The following BICD2 variants were observed in gnomAD, a reference collection of about 807,000 sequenced individuals.
BICD2 encodes the protein protein bicaudal D homolog 2.
A neutral mutation model predicts 72.9 loss-of-function variants in BICD2; 25 were observed. The ratio of observed to expected loss-of-function variants is 0.34; its 90% CI spans 0.25 to 0.48. BICD2 has a LOEUF of 0.48. Ranked by LOEUF, BICD2 falls within the 20% of genes least tolerant of loss-of-function variation. BICD2 has a pLI of 0.99. For synonymous variants in BICD2, 501 were observed against 516.1 expected, an observed-to-expected ratio of 0.97 and a Z score of 0.40; for missense variants, 894 against 1,175.2, an observed-to-expected ratio of 0.76 and a Z score of 3.50.
At chr9:92,717,437 C>T (rs545301284) in intron 6 of BICD2, among the ~76,000 whole-genome samples, 15 of 152,378 alleles carry the variant, frequency 9.8e-5, no homozygotes, top group Middle Eastern at 3.4e-3. Flanking sequence ...GGATCACACA[C>T]GCTCTGCTAT....
At chr9:92,733,333 C>T (rs1422459508) in intron 1 of BICD2, among the ~76,000 whole-genome samples, 4 of 151,368 alleles carry the variant, frequency 2.6e-5, no homozygotes, top group East Asian at 1.9e-4. Flanking sequence ...GTCAGGAGTT[C>T]GAGACCAGCC....
Position 92,714,732 on chromosome 9 carries a change from T to G in BICD2, c.*422A>C, listed in dbSNP as rs1184879502. 3.0e-6 allele frequency: 3 copies of G among 999,278 alleles called. No homozygotes were observed. The highest frequency in any genetic ancestry group is 1.1e-4 in the East Asian group (1 of 9,360). 61.9% of individuals were successfully genotyped at this position (999,278 alleles called of 1,614,324 possible). A position where few individuals can be genotyped will look rare whatever the true frequency, so the allele number is the denominator to read the frequency against. ...AGGCTGGAACCTCCTAAAACTGCTT[T>G]CTAGTGCTGACATTAGACACATGCG... On this transcript the variant is annotated 3_prime_UTR_variant, in exon 7 of 7. Coordinates refer to ENST00000356884, the MANE Select transcript of BICD2 (RefSeq NM_001003800.2).
chr9:92,752,632 T>C (rs1412968410), intron 1 of BICD2, among the ~76,000 whole-genome samples: 1 of 151,712 alleles, frequency 6.6e-6, no homozygotes, highest in Non-Finnish European at 1.5e-5. Context: ...TAGCTAGGGG[T>C]GGTGGCACAT....
At chr9:92,732,454 T>A (rs1853697004) in intron 1 of BICD2, among the ~76,000 whole-genome samples, 2 of 152,160 alleles carry the variant, frequency 1.3e-5, no homozygotes, top group Non-Finnish European at 2.9e-5. Context: ...ATGAAAATTA[T>A]AAACCCACAG....
chr9:92,755,803 G>A (rs951135604), intron 1 of BICD2, among the ~76,000 whole-genome samples: 2 of 152,332 alleles, frequency 1.3e-5, no homozygotes, highest in Admixed American at 1.3e-4. Flanking sequence ...CAGATGGGGA[G>A]CCCAGGCAGC....
chr9:92,739,496 G>A (rs542796420), intron 1 of BICD2, among the ~76,000 whole-genome samples: 5 of 152,136 alleles, frequency 3.3e-5, no homozygotes, highest in East Asian at 1.9e-4. Flanking sequence ...GTGAAGGCTC[G>A]GTCAACACTT....
rs1350836216 is a variant in BICD2, at chr9:92,715,086, G to A, written c.*68C>T. ...ACGTTAAGATTGACCTAGCACCGCC[G>A]TCCCGCTGCTGCTGGGTTAGTTGAG... On this transcript the variant is annotated 3_prime_UTR_variant, in exon 7 of 7. Coordinates refer to ENST00000356884, the MANE Select transcript of BICD2 (RefSeq NM_001003800.2). The A allele has an allele frequency of 1.4e-5, 21 of 1,518,632 alleles. No individual in the cohort carries two copies. Among genetic ancestry groups the A allele is most frequent in the Non-Finnish European group, 1.6e-5 (18 of 1,131,008 alleles). 94.1% of individuals were successfully genotyped at this position (1,518,632 alleles called of 1,614,324 possible).
At position 92,714,572 on chromosome 9, in the gene BICD2, T is replaced by C; in HGVS notation, c.*582A>G. On this transcript the variant is annotated 3_prime_UTR_variant, in exon 7 of 7. Coordinates refer to ENST00000356884, the MANE Select transcript of BICD2 (RefSeq NM_001003800.2). Reference sequence around the variant, plus strand: ...ACAGGGGCTCAGGGCTGCTCTTCTCTGGGCTTGGGGAAGAAATTCTGCACT... The same window carrying C: ...ACAGGGGCTCAGGGCTGCTCTTCTCCGGGCTTGGGGAAGAAATTCTGCACT... The C allele has an allele frequency of 7.1e-6, 7 of 985,614 alleles. No homozygotes were observed. Among genetic ancestry groups the C allele is most frequent in the Non-Finnish European group, 8.4e-6 (7 of 830,060 alleles). The allele number at this position is 985,614 out of a possible 1,614,324, so 61.1% of individuals were successfully genotyped here.
Position 92,714,012 on chromosome 9 carries a change from G to C in BICD2, c.*1142C>G. ...TACTGAGAAAAGTTCTGCTCAGAAT[G>C]TGGGAAGGCAGGTGTGGATGGAGCC... On this transcript the variant is annotated 3_prime_UTR_variant, in exon 7 of 7. Coordinates refer to ENST00000356884, the MANE Select transcript of BICD2 (RefSeq NM_001003800.2). The C allele has an allele frequency of 1.0e-6, 1 of 986,872 alleles. No individual in the cohort carries two copies. The highest frequency in any genetic ancestry group is 1.2e-6 in the Non-Finnish European group (1 of 830,870). 61.1% of individuals were successfully genotyped at this position (986,872 alleles called of 1,614,324 possible).
rs1178894268 is a variant in BICD2, at chr9:92,714,529, G to C, written c.*625C>G. The C allele has an allele frequency of 1.0e-6, 1 of 985,428 alleles. No individual in the cohort carries two copies. Among genetic ancestry groups the C allele is most frequent in the Non-Finnish European group, 1.2e-6 (1 of 829,984 alleles). 61.0% of individuals were successfully genotyped at this position (985,428 alleles called of 1,614,324 possible). ...ATGGTCAGCTGTGTCTGTGCCATGTGTGTCTGGCCAGCAGAATACAGGGGC... is the reference window on the plus strand; with the variant it reads ...ATGGTCAGCTGTGTCTGTGCCATGTCTGTCTGGCCAGCAGAATACAGGGGC... On this transcript the variant is annotated 3_prime_UTR_variant, in exon 7 of 7. Transcript: ENST00000356884.
intron 6 of BICD2, 23 bp downstream of exon 6, chr9:92,717,774 G>C (rs745474543): frequency 6.3e-7 from 1 of 1,588,618 alleles, no homozygotes. Flanking sequence ...TGGAAGGGGA[G>C]GGCCCGACAG....
intron 2 of BICD2, among the ~76,000 whole-genome samples, chr9:92,724,832 C>T (rs1375068711): frequency 6.6e-6 from 1 of 152,208 alleles, no homozygotes; most frequent in Non-Finnish European, 1.5e-5. Context: ...ACTTGGGTAC[C>T]TCTCTGCCAG....
Position 92,764,580 on chromosome 9 carries a change from G to T in BICD2, c.165C>A (p.His55Gln), listed in dbSNP as rs150915279. ...EYGLAVLEEK[H>Q]QLKLQFEELE... ...GCTCCTCGAACTGCAGCTTGAGCTG[G>T]TGCTTCTCCTCGAGCACCGCCAGCC... The change falls in exon 1 of 7, where the codon CAC becomes CAA. Residue 55 changes from histidine to glutamine, a missense_variant. His to Gln is a conservative substitution (Grantham distance 24, BLOSUM62 0). Around this residue, in one of 5 missense-constraint regions of BICD2, gnomAD observed 192 missense variants for 243.6 expected, o/e 0.79. Transcript: ENST00000356884. This position sits in a 1 kb window ranked among gnomAD's most constrained non-coding sequence, Gnocchi z 5.5. The T allele has an allele frequency of 6.4e-7, 1 of 1,571,252 alleles. No homozygotes were observed. The highest frequency in any genetic ancestry group is 1.9e-5 in the Admixed American group (1 of 53,348).
At position 92,713,597 on chromosome 9, in the gene BICD2, A is replaced by G; in HGVS notation, c.*1557T>C. ...GAAGAGAAGACCTGCATGTGTTAGC[A>G]GGGGTCCCAGTGGCTTGGGTGTCTG... is the stretch of plus-strand genomic sequence containing the variant. On this transcript the variant is annotated 3_prime_UTR_variant, in exon 7 of 7. Transcript: ENST00000356884. The G allele has an allele frequency of 6.5e-7, 1 of 1,531,312 alleles. No homozygotes were observed. Among genetic ancestry groups the G allele is most frequent in the Non-Finnish European group, 8.8e-7 (1 of 1,134,234 alleles). 94.9% of individuals were successfully genotyped at this position (1,531,312 alleles called of 1,614,324 possible).
At chr9:92,728,921 T>G (rs888951352) in intron 2 of BICD2, 103 bp downstream of exon 2, 51 of 1,279,152 alleles carry the variant, frequency 4.0e-5, no homozygotes, top group Non-Finnish European at 4.9e-5. Flanking sequence ...AGCTGCAGCG[T>G]CCCCAGAGGC....
In BICD2 at chr9:92,719,418, G is replaced by C; in HGVS notation, c.1227C>G (p.Ala409=). 1 of 1,614,140 alleles carries C rather than the reference G, an allele frequency of 6.2e-7. No individual in the cohort carries two copies. Residue 409 remains alanine (A), a synonymous_variant, in exon 5 of 7, where the codon GCC becomes GCG. Transcript: ENST00000356884. ...TGTCACGGTCCTTCTCGTTGTCCAG[G>C]GCTGTCTGCCGCTCCTTGCTGGCCT... ...RLQASKERQT[A]LDNEKDRDSH...
Position 92,713,539 on chromosome 9 carries a change from C to A in BICD2, c.*1615G>T, listed in dbSNP as rs553200550. ...TTTATCTGACAATTGAAGCTCTCCACGTGCTGGGAGGGCGCGAGCACGTTA... is the reference window on the plus strand; with the variant it reads ...TTTATCTGACAATTGAAGCTCTCCAAGTGCTGGGAGGGCGCGAGCACGTTA... On this transcript the variant is annotated 3_prime_UTR_variant, in exon 7 of 7. Coordinates refer to ENST00000356884, the MANE Select transcript of BICD2 (RefSeq NM_001003800.2). 1.9e-6 allele frequency: 3 copies of A among 1,555,432 alleles called. No individual in the cohort carries two copies. The highest frequency in any genetic ancestry group is 2.6e-6 in the Non-Finnish European group (3 of 1,149,090).
At chr9:92,717,374 G>A (rs1853338502) in intron 6 of BICD2, among the ~76,000 whole-genome samples, 1 of 152,228 alleles carries the variant, frequency 6.6e-6, no homozygotes, top group South Asian at 2.1e-4. Flanking sequence ...TGGAACCGGC[G>A]CCACAGAACC....
chr9:92,719,188 G>A lies in BICD2; in HGVS notation c.1457C>T (p.Ser486Phe). The A allele has an allele frequency of 6.2e-7, 1 of 1,610,762 alleles. No homozygotes were observed. The highest frequency in any genetic ancestry group is 2.2e-5 in the East Asian group (1 of 44,880). The change falls in exon 5 of 7, where the codon TCC becomes TTC. Residue 486 changes from serine to phenylalanine, a missense_variant. Transcript: ENST00000356884. ...AEGQALTEKV[S>F]LLEKASRQDR... ...CTGGCGGCTGGCCTTCTCTAGCAGG[G>A]AGACCTTCTCCGTGAGTGCCTGGCC...
Sources: gnomAD v4.1 joint callset for allele counts (sites outside exome capture counted in the v4.1 genomes callset) on GRCh38, gnomAD v4.1.1 for gene constraint, gnomAD v4.1.1 regional missense constraint, Gnocchi (gnomAD v3.1) non-coding constraint, MANE v1.5 for transcripts, NCBI Gene and HGNC (gene_info 2026-07-23, HGNC 2026-07-21) for gene names.